Variants in LRRC4C observed in about 807,000 individuals in gnomAD.
LRRC4C encodes leucine rich repeat containing 4C.
LRRC4C carries 5 observed loss-of-function variants against 33.6 expected under a neutral mutation model. The ratio of observed to expected loss-of-function variants is 0.15; its 90% CI spans 0.08 to 0.31. LRRC4C has a LOEUF of 0.31. Ranked by LOEUF, LRRC4C falls within the 10% of genes least tolerant of loss-of-function variation. The pLI, the probability that LRRC4C is intolerant of heterozygous loss-of-function variation, is 1.00. For synonymous variants in LRRC4C, 329 were observed against 302.0 expected, an observed-to-expected ratio of 1.09 and a Z score of -0.93; for missense variants, 560 against 796.7, an observed-to-expected ratio of 0.70 and a Z score of 3.58.
intron 1 of LRRC4C, among the ~76,000 whole-genome samples, chr11:40,945,379 G>T (rs1958351901): frequency 6.6e-6 from 1 of 151,906 alleles, no homozygotes; most frequent in Non-Finnish European, 1.5e-5. Context: ...AGTGAAGCAT[G>T]TTTTTAAAAA....
At chr11:40,814,635 T>C (rs1174116141) in intron 2 of LRRC4C, among the ~76,000 whole-genome samples, 1 of 151,818 alleles carries the variant, frequency 6.6e-6, no homozygotes, top group East Asian at 1.9e-4. Context: ...TGCATTGTCA[T>C]CTGCAAATTT....
At chr11:40,929,912 A>G (rs947870538) in intron 2 of LRRC4C, among the ~76,000 whole-genome samples, 3 of 152,202 alleles carry the variant, frequency 2.0e-5, no homozygotes, top group African/African-American at 7.2e-5. Flanking sequence ...TTTAATATTC[A>G]GCTCTACTAG....
rs576586187 is a variant in LRRC4C, at chr11:40,215,167, T to A, written c.-96+26352A>T. Reference sequence around the variant, plus strand: ...CCACTACCAGCATCCCAATTTTGAGTCTAATTTTTCAAAAAATACTTTCAC... The same window carrying A: ...CCACTACCAGCATCCCAATTTTGAGACTAATTTTTCAAAAAATACTTTCAC... On this transcript the variant is annotated intron_variant, in intron 5 of 6. Transcript: ENST00000528697. Among the ~76,000 whole-genome samples the A allele has an allele frequency of 5.3e-5, 8 of 152,274 alleles. No individual in the cohort carries two copies. In the South Asian group the frequency reaches 1.0e-3, roughly 20 times the overall value.
At chr11:40,136,777 G>T (rs757535302) in intron 6 of LRRC4C, among the ~76,000 whole-genome samples, 4 of 152,200 alleles carry the variant, frequency 2.6e-5, no homozygotes. Context: ...AAAAGTGGGA[G>T]TTCCAGAACA....
intron 4 of LRRC4C, among the ~76,000 whole-genome samples, chr11:40,275,156 T>G (rs535279334): frequency 2.0e-5 from 3 of 152,306 alleles, no homozygotes; most frequent in East Asian, 3.9e-4. Flanking sequence ...GTCTGTCTTT[T>G]AAATGTATAA....
intron 2 of LRRC4C, among the ~76,000 whole-genome samples, chr11:40,803,765 G>T (rs1013621784): frequency 6.6e-6 from 1 of 151,948 alleles, no homozygotes; most frequent in African/African-American, 2.4e-5. Flanking sequence ...GAGCCACCAC[G>T]CCCGGCCTAA....
At chr11:41,367,821 C>A (rs1952600479) in intron 1 of LRRC4C, among the ~76,000 whole-genome samples, 1 of 152,036 alleles carries the variant, frequency 6.6e-6, no homozygotes. Flanking sequence ...CATATGGATT[C>A]CCAGTTACCC....
intron 2 of LRRC4C, among the ~76,000 whole-genome samples, chr11:40,713,808 C>A (rs1299523555): frequency 1.3e-5 from 2 of 152,218 alleles, no homozygotes; most frequent in South Asian, 2.1e-4. Flanking sequence ...TTATGTTTCA[C>A]CCCAAACAAA....
chr11:40,931,345 A>C (rs574827808), intron 2 of LRRC4C, among the ~76,000 whole-genome samples: 1 of 152,296 alleles, frequency 6.6e-6, no homozygotes, highest in South Asian at 2.1e-4. Context: ...TTTTCTTAGA[A>C]ATAATTTAAT....
At chr11:40,406,181 G>T (rs1949957724) in intron 3 of LRRC4C, among the ~76,000 whole-genome samples, 1 of 152,060 alleles carries the variant, frequency 6.6e-6, no homozygotes, top group Non-Finnish European at 1.5e-5. Flanking sequence ...GACCTTTAAA[G>T]TGAATATTTC....
At chr11:41,191,671 A>C (rs1945953606) in intron 1 of LRRC4C, among the ~76,000 whole-genome samples, 1 of 152,142 alleles carries the variant, frequency 6.6e-6, no homozygotes, top group Admixed American at 6.6e-5. Context: ...ATTGCATTAC[A>C]ACTCGGGTGC....
chr11:41,281,848 G>T (rs928754666), intron 1 of LRRC4C, among the ~76,000 whole-genome samples: 5 of 152,174 alleles, frequency 3.3e-5, no homozygotes, highest in African/African-American at 9.7e-5. Context: ...TCATGCTCAG[G>T]CTATAAATAC....
chr11:40,358,862 T>G (rs1947810728), intron 3 of LRRC4C, among the ~76,000 whole-genome samples: 1 of 151,906 alleles, frequency 6.6e-6, no homozygotes, highest in African/African-American at 2.4e-5. Context: ...ATTCATTCAT[T>G]TATTTATTTA....
chr11:40,724,869 G>A (rs1016861371), intron 2 of LRRC4C, among the ~76,000 whole-genome samples: 2 of 152,108 alleles, frequency 1.3e-5, no homozygotes, highest in African/African-American at 4.8e-5. Context: ...AGAAAAAAAA[G>A]AAGATACAAA....
At chr11:40,766,368 A>G (rs1000853262) in intron 2 of LRRC4C, among the ~76,000 whole-genome samples, 10 of 146,624 alleles carry the variant, frequency 6.8e-5, no homozygotes, top group African/African-American at 2.5e-4. Context: ...AAAAAAAAAA[A>G]AAAAAAAAAA....
chr11:40,371,035 C>T (rs975983605), intron 3 of LRRC4C, among the ~76,000 whole-genome samples: 3 of 152,062 alleles, frequency 2.0e-5, no homozygotes, highest in East Asian at 1.9e-4. Context: ...ATACAACCCT[C>T]GGACTTAGAG....
chr11:41,179,259 G>A (rs1190183341), intron 1 of LRRC4C, among the ~76,000 whole-genome samples: 2 of 151,606 alleles, frequency 1.3e-5, no homozygotes, highest in African/African-American at 4.9e-5. Flanking sequence ...AAAGCATTCA[G>A]GGCAAAATTC....
chr11:40,663,048 G>A (rs952566193), intron 2 of LRRC4C, among the ~76,000 whole-genome samples: 2 of 152,002 alleles, frequency 1.3e-5, no homozygotes, highest in Non-Finnish European at 2.9e-5. Context: ...TATTTTGGTT[G>A]GAATAAGTCA....
chr11:40,664,199 T>C (rs531438896), intron 2 of LRRC4C, among the ~76,000 whole-genome samples: 1 of 152,292 alleles, frequency 6.6e-6, no homozygotes, highest in South Asian at 2.1e-4. Context: ...AAGCTTTAAA[T>C]GCATATCTTA....
Sources: allele counts gnomAD v4.1 joint callset (sites outside exome capture counted in the v4.1 genomes callset), GRCh38; gene constraint gnomAD v4.1.1; transcripts MANE v1.5; gene names NCBI Gene and HGNC (gene_info 2026-07-23, HGNC 2026-07-21).